DMXL1: variants seen among roughly 807,000 people sequenced by gnomAD.
DMXL1 encodes dmX-like protein 1.
Under a neutral mutation model 319.2 loss-of-function variants are expected in DMXL1, and 99 were observed. That is an observed-to-expected ratio of 0.31 (90% CI 0.26 to 0.37). DMXL1 has a LOEUF of 0.37. Ranked by LOEUF, DMXL1 falls within the 10% of genes least tolerant of loss-of-function variation. The pLI is 1.00. For missense variants in DMXL1, 3,745 were observed against 3,595.6 expected (o/e 1.04, Z -1.06); for synonymous variants, 1,385 against 1,235.2 (o/e 1.12, Z -2.54).
intron 15 of DMXL1, 36 bp from the exon 16 acceptor site, chr5:119,146,801 C>G (rs780711357): frequency 6.3e-7 from 1 of 1,587,050 alleles, no homozygotes; most frequent in Non-Finnish European, 8.6e-7. Context: ...CTCTTTTACA[C>G]ATAGTAACAG....
chr5:119,098,665 A>G (rs906322611), intron 2 of DMXL1, among the ~76,000 whole-genome samples: 2 of 152,232 alleles, frequency 1.3e-5, no homozygotes, highest in African/African-American at 4.8e-5. Context: ...AACAAAAGTA[A>G]CAAAGTATAA....
intron 19 of DMXL1, among the ~76,000 whole-genome samples, chr5:119,155,176 A>G (rs1770730936): frequency 6.6e-6 from 1 of 152,214 alleles, no homozygotes; most frequent in Non-Finnish European, 1.5e-5. Flanking sequence ...CACAACATTC[A>G]TTTTGCAGTC....
At chr5:119,237,518 T>G (rs1787978902) in intron 40 of DMXL1, 104 bp downstream of exon 40, 1 of 669,634 alleles carries the variant, frequency 1.5e-6, no homozygotes, top group East Asian at 2.8e-5. Flanking sequence ...AAATAAAATA[T>G]AGTCCTGTGT....
intron 40 of DMXL1, among the ~76,000 whole-genome samples, chr5:119,237,780 A>G (rs553102046): frequency 6.6e-6 from 1 of 152,140 alleles, no homozygotes; most frequent in South Asian, 2.1e-4. Flanking sequence ...ATTATCTCTT[A>G]TGAACAAACA....
chr5:119,218,179 C>A (rs770750088), intron 35 of DMXL1, among the ~76,000 whole-genome samples: 1 of 152,014 alleles, frequency 6.6e-6, no homozygotes, highest in Non-Finnish European at 1.5e-5. Flanking sequence ...GAGTTTGATA[C>A]CAGCCTGGGC....
At chr5:119,160,520 G>A (rs796895958) in intron 19 of DMXL1, among the ~76,000 whole-genome samples, 4 of 152,100 alleles carry the variant, frequency 2.6e-5, no homozygotes, top group African/African-American at 7.2e-5. Flanking sequence ...TTGCTGTTTG[G>A]TAGAATGTTC....
At chr5:119,109,397 A>G (rs551973702) in intron 4 of DMXL1, among the ~76,000 whole-genome samples, 5 of 152,246 alleles carry the variant, frequency 3.3e-5, no homozygotes, top group African/African-American at 1.2e-4. Flanking sequence ...GTTCTGAAAT[A>G]CAGATCCAAT....
At chr5:119,093,304 T>C (rs1755206403) in intron 1 of DMXL1, among the ~76,000 whole-genome samples, 1 of 152,070 alleles carries the variant, frequency 6.6e-6, no homozygotes, top group Non-Finnish European at 1.5e-5. Flanking sequence ...CCTGGCTAAT[T>C]TTCATATTTT....
At chr5:119,111,006 C>G (rs1441776745) in intron 5 of DMXL1, among the ~76,000 whole-genome samples, 1 of 152,168 alleles carries the variant, frequency 6.6e-6, no homozygotes, top group African/African-American at 2.4e-5. Flanking sequence ...CCAGGCTGGT[C>G]TTGAACTCCT....
intron 2 of DMXL1, among the ~76,000 whole-genome samples, chr5:119,099,519 T>A (rs192913166): frequency 6.6e-6 from 1 of 152,312 alleles, no homozygotes; most frequent in Admixed American, 6.5e-5. Context: ...CTTGAGATTT[T>A]TATTTTCATT....
chr5:119,176,865 T>C (rs1425699640), intron 26 of DMXL1, among the ~76,000 whole-genome samples: 1 of 152,144 alleles, frequency 6.6e-6, no homozygotes, highest in Non-Finnish European at 1.5e-5. Context: ...CTGTATTGCC[T>C]TGATAGCGTC....
Position 119,114,536 on chromosome 5 carries a change from G to A in DMXL1, c.559G>A (p.Gly187Arg). 4 of 1,605,314 alleles carry A rather than the reference G, an allele frequency of 2.5e-6. No individual in the cohort carries two copies. The highest frequency in any genetic ancestry group is 3.4e-6 in the Non-Finnish European group (4 of 1,176,680). The change falls in exon 6 of 44, where the codon GGG becomes AGG. Residue 187 changes from glycine to arginine, a missense_variant. By Grantham distance (125) the Gly-to-Arg change is moderately radical. Around this residue, in one of 4 missense-constraint regions of DMXL1, gnomAD observed 2,096 missense variants for 1,985.4 expected, o/e 1.06. Coordinates refer to ENST00000539542, the MANE Select transcript of DMXL1 (RefSeq NM_001290321.3). ...SPDGEFFATA[G>R]KDDCLLKVWY... Reference sequence around the variant, plus strand: ...AGATGGAGAATTTTTTGCCACTGCTGGGAAGGTAAATTGTGAAAATGCTAT... The same window carrying A: ...AGATGGAGAATTTTTTGCCACTGCTAGGAAGGTAAATTGTGAAAATGCTAT...
intron 38 of DMXL1, among the ~76,000 whole-genome samples, chr5:119,226,720 C>T (rs1484321888): frequency 1.3e-5 from 2 of 152,282 alleles, no homozygotes; most frequent in Non-Finnish European, 1.5e-5. Flanking sequence ...TCAGTTTTCA[C>T]CTACACATCT....
intron 29 of DMXL1, 27 bp downstream of exon 29, chr5:119,189,913 AT>A (rs1561835183): frequency 1.9e-6 from 3 of 1,571,856 alleles, no homozygotes; most frequent in Non-Finnish European, 2.6e-6. Flanking sequence ...CTAGATCAAT[AT>A]TTTCATAGTC....
intron 2 of DMXL1, among the ~76,000 whole-genome samples, chr5:119,098,540 CTT>C (rs1027874287): frequency 6.6e-6 from 1 of 151,488 alleles, no homozygotes; most frequent in Non-Finnish European, 1.5e-5. Context: ...ATGAAAAACT[CTT>C]TGAGAGTTTA....
intron 41 of DMXL1, among the ~76,000 whole-genome samples, chr5:119,240,205 C>T (rs779627002): frequency 2.0e-5 from 3 of 150,096 alleles, no homozygotes; most frequent in Admixed American, 6.6e-5. Flanking sequence ...CCCAGAAGGT[C>T]GAGGCTGCAG....
chr5:119,129,070 C>A, intron 9 of DMXL1, 141 bp from the exon 10 acceptor site: 1 of 625,958 alleles, frequency 1.6e-6, no homozygotes, highest in Non-Finnish European at 2.6e-6. Flanking sequence ...AAAACAAAAT[C>A]TCAAAATAAA....
intron 43 of DMXL1, among the ~76,000 whole-genome samples, chr5:119,245,527 T>C (rs1789574357): frequency 6.6e-6 from 1 of 151,680 alleles, no homozygotes; most frequent in Non-Finnish European, 1.5e-5. Context: ...GAATATGCCA[T>C]AGTTAAGTCG....
At chr5:119,072,595 AC>A (rs1182999443) in intron 1 of DMXL1, among the ~76,000 whole-genome samples, 3 of 152,214 alleles carry the variant, frequency 2.0e-5, no homozygotes, top group Non-Finnish European at 4.4e-5. Context: ...AAACAACGTA[AC>A]CAATGCCCCA....
Sources: gnomAD v4.1 joint callset for allele counts (sites outside exome capture counted in the v4.1 genomes callset) on GRCh38, gnomAD v4.1.1 for gene constraint, gnomAD v4.1.1 regional missense constraint, MANE v1.5 for transcripts, NCBI Gene and HGNC (gene_info 2026-07-23, HGNC 2026-07-21) for gene names.